The following HYDIN variants were observed in gnomAD, a reference collection of about 807,000 sequenced individuals.
HYDIN encodes axonemal central pair apparatus protein HYDIN.
In HYDIN, 132 loss-of-function variants were observed where a neutral mutation model predicts 403.9. The observed-to-expected ratio is 0.33, with a 90% CI of 0.28 to 0.38. The LOEUF (loss-of-function observed/expected upper bound fraction) is 0.38. HYDIN is among the 10% of genes least tolerant of loss of function. The probability of loss-of-function intolerance (pLI) is 1.00; values close to 1 mark genes in which losing one functional copy is unlikely to be tolerated. For missense variants in HYDIN, 2,827 were observed against 5,009.5 expected (o/e 0.56, Z 13.15); for synonymous variants, 1,202 against 1,891.7 (o/e 0.64, Z 9.46).
intron 67 of HYDIN, among the ~76,000 whole-genome samples, chr16:70,864,852 T>C (rs1405605692): frequency 6.6e-6 from 1 of 152,162 alleles, no homozygotes; most frequent in East Asian, 1.9e-4. Context: ...GCTCTGCCTT[T>C]GTAGTGGGAA....
chr16:70,881,920 C>G (rs1437204882), intron 60 of HYDIN, among the ~76,000 whole-genome samples: 1 of 152,184 alleles, frequency 6.6e-6, no homozygotes, highest in Non-Finnish European at 1.5e-5. Context: ...TTAAGGGTGA[C>G]AGAAACCCAC....
At chr16:70,953,602 C>T (rs783741) in intron 40 of HYDIN, among the ~76,000 whole-genome samples, 1 of 151,988 alleles carries the variant, frequency 6.6e-6, no homozygotes, top group Non-Finnish European at 1.5e-5. Flanking sequence ...ATGGTCCTAA[C>T]CTGCCTCGTC....
intron 18 of HYDIN, among the ~76,000 whole-genome samples, chr16:71,039,261 C>G (rs2081202812): frequency 1.3e-5 from 2 of 152,046 alleles, no homozygotes; most frequent in African/African-American, 2.4e-5. Flanking sequence ...CATCTAGCAC[C>G]TCGTCTATCA....
At chr16:70,810,364 C>A (rs996442675) in intron 84 of HYDIN, among the ~76,000 whole-genome samples, 3 of 152,200 alleles carry the variant, frequency 2.0e-5, no homozygotes, top group African/African-American at 7.2e-5. Context: ...AGAACAGCGT[C>A]CTGGGTTCTG....
At chr16:71,056,132 T>TTG (rs1434427432) in intron 18 of HYDIN, among the ~76,000 whole-genome samples, 1 of 149,714 alleles carries the variant, frequency 6.7e-6, no homozygotes, top group Non-Finnish European at 1.5e-5. Flanking sequence ...GATTTGTTTT[T>TTG]TTTTTTTTTT....
At chr16:70,932,731 T>C (rs1378704858) in intron 45 of HYDIN, among the ~76,000 whole-genome samples, 1 of 152,258 alleles carries the variant, frequency 6.6e-6, no homozygotes, top group African/African-American at 2.4e-5. Flanking sequence ...CAGCATGTTT[T>C]TTTTTAAAGG....
At chr16:71,129,969 C>A (rs534567939) in intron 8 of HYDIN, 146 bp from the exon 9 acceptor site, 219 of 712,892 alleles carry the variant, frequency 3.1e-4, no homozygotes, top group Non-Finnish European at 4.6e-4. Flanking sequence ...TAACCTGCTG[C>A]CCTTGCACTC....
At chr16:71,061,861 A>AGTGTGTGT (rs66689823) in intron 17 of HYDIN, among the ~76,000 whole-genome samples, 3,759 of 144,090 alleles carry the variant, frequency 0.026, 69 homozygotes, top group Middle Eastern at 0.067. Context: ...CATGTGTGAC[A>AGTGTGTGT]GTGTGTGTGT....
At chr16:70,943,720 G>C in intron 42 of HYDIN, 92 bp downstream of exon 42, 1 of 1,500,462 alleles carries the variant, frequency 6.7e-7, no homozygotes, top group Non-Finnish European at 8.9e-7. Flanking sequence ...GAGCTGCCGT[G>C]GGTGGCTGAT....
chr16:71,171,233 C>T (rs745964581), intron 5 of HYDIN, among the ~76,000 whole-genome samples: 32 of 152,300 alleles, frequency 2.1e-4, no homozygotes, highest in Middle Eastern at 3.4e-3. Context: ...GATATTTGCA[C>T]GGCTTAAATT....
At chr16:71,031,119 G>A (rs2144156633) in intron 19 of HYDIN, among the ~76,000 whole-genome samples, 1 of 144,660 alleles carries the variant, frequency 6.9e-6, no homozygotes, top group East Asian at 2.1e-4. Context: ...AGAATGGCGT[G>A]AACCCGGGAG....
At chr16:71,189,515 C>G (rs1024588010) in intron 1 of HYDIN, among the ~76,000 whole-genome samples, 3 of 152,106 alleles carry the variant, frequency 2.0e-5, no homozygotes, top group African/African-American at 2.4e-5. Flanking sequence ...CACCCGTAAT[C>G]TCAGCACTTT....
chr16:71,134,717 G>A (rs1256556388), intron 8 of HYDIN, among the ~76,000 whole-genome samples: 1 of 152,184 alleles, frequency 6.6e-6, no homozygotes, highest in Non-Finnish European at 1.5e-5. Context: ...AAACTTGTCT[G>A]TACTTGCCTT....
rs538633139 is a variant in HYDIN at position 71,184,355 on chromosome 16, T to C, written c.261+510A>G. On this transcript the variant is annotated intron_variant, in intron 3 of 85. Transcript: ENST00000393567. ...CAGACCTTCTATAATCACATGCTCC[T>C]AAAGCCTGGAAGGTATGGTTTACAT... is the stretch of plus-strand genomic sequence containing the variant. Among the ~76,000 whole-genome samples, 178 of 152,122 alleles carry C rather than the reference T, an allele frequency of 1.2e-3. 1 individual carries two copies. The highest frequency in any genetic ancestry group is 1.4e-3 in the Non-Finnish European group (98 of 68,000).
intron 83 of HYDIN, 50 bp from the exon 84 acceptor site, chr16:70,818,622 C>A (rs753495372): frequency 8.9e-6 from 6 of 671,856 alleles, no homozygotes; most frequent in South Asian, 8.4e-5. Context: ...AGGGGTGAGC[C>A]GAGGGTCCTC....
chr16:70,969,373 C>T (rs1439367985), intron 36 of HYDIN, among the ~76,000 whole-genome samples: 1 of 152,034 alleles, frequency 6.6e-6, no homozygotes, highest in Non-Finnish European at 1.5e-5. Flanking sequence ...CAGAAAAATT[C>T]CTGAAAGCAG....
At chr16:71,212,458 T>C (rs1179464105) in intron 1 of HYDIN, among the ~76,000 whole-genome samples, 1 of 152,158 alleles carries the variant, frequency 6.6e-6, no homozygotes, top group African/African-American at 2.4e-5. Context: ...TTTCTTTAGG[T>C]ATGAAATCGT....
At chr16:71,145,460 G>A (rs1167189157) in intron 7 of HYDIN, among the ~76,000 whole-genome samples, 1 of 152,034 alleles carries the variant, frequency 6.6e-6, no homozygotes, top group African/African-American at 2.4e-5. Context: ...TCACCATATT[G>A]GCCAGGATGG....
At chr16:70,978,568 C>G (rs1433924343) in intron 30 of HYDIN, among the ~76,000 whole-genome samples, 2 of 152,178 alleles carry the variant, frequency 1.3e-5, no homozygotes, top group East Asian at 3.8e-4. Context: ...CCTCAAAGCT[C>G]CACATGGCAG....
Sources: allele counts gnomAD v4.1 joint callset (sites outside exome capture counted in the v4.1 genomes callset), GRCh38; gene constraint gnomAD v4.1.1; transcripts MANE v1.5; gene names NCBI Gene and HGNC (gene_info 2026-07-23, HGNC 2026-07-21).